The following UBE2E2 variants were observed in gnomAD, a reference collection of about 807,000 sequenced individuals.
UBE2E2 encodes the protein ubiquitin conjugating enzyme E2 E2.
A neutral mutation model predicts 24.7 loss-of-function variants in UBE2E2; 6 were observed. The observed-to-expected ratio is 0.24, with a 90% confidence interval of 0.13 to 0.48. The LOEUF (loss-of-function observed/expected upper bound fraction) is 0.48, where lower values mean the gene tolerates loss of function less well. UBE2E2 is among the 20% of genes least tolerant of loss of function. The pLI is 0.99. For synonymous variants in UBE2E2, 104 were observed against 83.6 expected, an observed-to-expected ratio of 1.24 and a Z score of -1.33; for missense variants, 169 against 245.0, an observed-to-expected ratio of 0.69 and a Z score of 2.07.
chr3:23,275,994 A>G (rs1164941009), intron 3 of UBE2E2, among the ~76,000 whole-genome samples: 1 of 152,166 alleles, frequency 6.6e-6, no homozygotes, highest in Admixed American at 6.5e-5. Context: ...CTTTAACTGA[A>G]TGATACCAGG....
At chr3:23,268,655 C>T (rs1575519233) in intron 3 of UBE2E2, among the ~76,000 whole-genome samples, 1 of 148,356 alleles carries the variant, frequency 6.7e-6, no homozygotes, top group East Asian at 2.0e-4. Flanking sequence ...TCAATGCCAT[C>T]CCCATCAAGC....
intron 3 of UBE2E2, among the ~76,000 whole-genome samples, chr3:23,301,229 A>G (rs887564607): frequency 1.3e-5 from 2 of 151,648 alleles, no homozygotes; most frequent in Non-Finnish European, 2.9e-5. Context: ...ATTGTTTCGT[A>G]TTTCCTCCTG....
At chr3:23,580,454 A>C (rs1271277118) in intron 5 of UBE2E2, among the ~76,000 whole-genome samples, 1 of 152,208 alleles carries the variant, frequency 6.6e-6, no homozygotes, top group African/African-American at 2.4e-5. Context: ...GCATTTTTTT[A>C]GCAATATTTT....
intron 3 of UBE2E2, among the ~76,000 whole-genome samples, chr3:23,251,834 C>A (rs9839409): frequency 0.34 from 51,085 of 151,870 alleles, 8,810 homozygotes; most frequent in South Asian, 0.4. Flanking sequence ...GTAAGGTTAC[C>A]AGCAATGATT....
intron 3 of UBE2E2, among the ~76,000 whole-genome samples, chr3:23,424,606 A>C (rs1356298253): frequency 2.0e-5 from 3 of 152,176 alleles, no homozygotes; most frequent in Admixed American, 2.0e-4. Context: ...TGCTCCAGGC[A>C]TAAGGTTTCA....
At chr3:23,516,092 G>C (rs1427609827) in intron 4 of UBE2E2, among the ~76,000 whole-genome samples, 1 of 152,178 alleles carries the variant, frequency 6.6e-6, no homozygotes, top group East Asian at 1.9e-4. Context: ...AAGCTAACCT[G>C]CAGGTGGAAA....
At chr3:23,248,193 A>G (rs1697469670) in intron 3 of UBE2E2, among the ~76,000 whole-genome samples, 1 of 152,216 alleles carries the variant, frequency 6.6e-6, no homozygotes, top group African/African-American at 2.4e-5. Flanking sequence ...ACATTTCTGT[A>G]GATGATTTGA....
intron 3 of UBE2E2, among the ~76,000 whole-genome samples, chr3:23,472,394 A>G (rs549151278): frequency 2.0e-5 from 3 of 152,346 alleles, no homozygotes; most frequent in African/African-American, 4.8e-5. Context: ...TAGCACTTAG[A>G]TACAGGACCA....
At chr3:23,312,193 G>A (rs9840015) in intron 3 of UBE2E2, among the ~76,000 whole-genome samples, 111,454 of 151,736 alleles carry the variant, frequency 0.73, 41,286 homozygotes, top group African/African-American at 0.83. Context: ...AAAAGCTGCT[G>A]TGCTTCCTGT....
intron 3 of UBE2E2, among the ~76,000 whole-genome samples, chr3:23,427,470 A>G (rs1251811024): frequency 2.0e-5 from 3 of 152,128 alleles, no homozygotes; most frequent in African/African-American, 7.2e-5. Flanking sequence ...AAAACCACAA[A>G]AGGCAGAAAA....
At chr3:23,541,842 A>C (rs1695403040) in intron 5 of UBE2E2, among the ~76,000 whole-genome samples, 1 of 152,188 alleles carries the variant, frequency 6.6e-6, no homozygotes, top group African/African-American at 2.4e-5. Flanking sequence ...GTACCTTTTG[A>C]CGTGACTCTT....
At chr3:23,439,229 T>C (rs1035221886) in intron 3 of UBE2E2, among the ~76,000 whole-genome samples, 1 of 152,234 alleles carries the variant, frequency 6.6e-6, no homozygotes, top group Non-Finnish European at 1.5e-5. Context: ...CCTGAGACTT[T>C]CCCTTCATGC....
chr3:23,217,586 A>G (rs4325868), intron 3 of UBE2E2, among the ~76,000 whole-genome samples: 7,793 of 152,070 alleles, frequency 0.051, 655 homozygotes, highest in African/African-American at 0.17. Flanking sequence ...CAAATACACT[A>G]TGACATTTTA....
chr3:23,589,859 C>T lies in UBE2E2; in HGVS notation c.*28C>T. 1 of 1,611,422 alleles carries T rather than the reference C, an allele frequency of 6.2e-7. No individual in the cohort carries two copies. Among genetic ancestry groups the T allele is most frequent in the Non-Finnish European group, 8.5e-7 (1 of 1,177,762 alleles). On this transcript the variant is annotated 3_prime_UTR_variant, in exon 6 of 6. Coordinates refer to ENST00000396703, the MANE Select transcript of UBE2E2 (RefSeq NM_152653.4). The surrounding 1 kb of genome is among the most constrained non-coding windows in gnomAD (Gnocchi z 4.1). Reference sequence around the variant, plus strand: ...GCCTGCTGCCTGCCGCCCCGCGGGACCTGTGCAAGCACATTCACCAAGTGC... The same window carrying T: ...GCCTGCTGCCTGCCGCCCCGCGGGATCTGTGCAAGCACATTCACCAAGTGC...
At chr3:23,235,443 A>AG (rs1697079525) in intron 3 of UBE2E2, among the ~76,000 whole-genome samples, 3 of 151,916 alleles carry the variant, frequency 2.0e-5, no homozygotes, top group African/African-American at 7.3e-5. Flanking sequence ...GGCTGGATTG[A>AG]GGGGGAGTGG....
chr3:23,527,353 A>G (rs1404000928), intron 4 of UBE2E2, among the ~76,000 whole-genome samples: 1 of 152,252 alleles, frequency 6.6e-6, no homozygotes, highest in Non-Finnish European at 1.5e-5. Flanking sequence ...CACAAAACAC[A>G]TACACAGATG....
chr3:23,568,481 A>G (rs1696132138), intron 5 of UBE2E2, among the ~76,000 whole-genome samples: 1 of 151,756 alleles, frequency 6.6e-6, no homozygotes, highest in Non-Finnish European at 1.5e-5. Context: ...CAATCAGGAT[A>G]ATCTTGTCTG....
At chr3:23,532,413 GA>G in intron 4 of UBE2E2, 140 bp from the exon 5 acceptor site, 2 of 634,126 alleles carry the variant, frequency 3.2e-6, no homozygotes, top group East Asian at 6.2e-5. Flanking sequence ...ATGTGCCCAA[GA>G]AAAAAATCAA....
chr3:23,274,718 T>G (rs1293272193), intron 3 of UBE2E2, among the ~76,000 whole-genome samples: 1 of 152,184 alleles, frequency 6.6e-6, no homozygotes, highest in Non-Finnish European at 1.5e-5. Context: ...GTTCCACAAT[T>G]TAATCCTAGA....
Sources: allele counts gnomAD v4.1 joint callset (sites outside exome capture counted in the v4.1 genomes callset), GRCh38; gene constraint gnomAD v4.1.1; non-coding constraint Gnocchi (gnomAD v3.1); transcripts MANE v1.5; gene names NCBI Gene and HGNC (gene_info 2026-07-23, HGNC 2026-07-21).